KLHL13: variants seen among roughly 807,000 people sequenced by gnomAD.
KLHL13 encodes the protein kelch like family member 13, also known as kelch-like protein 13.
In KLHL13, 10 loss-of-function variants were observed where a neutral mutation model predicts 37.1. The observed-to-expected ratio is 0.27, with a 90% confidence interval of 0.17 to 0.46. The LOEUF (loss-of-function observed/expected upper bound fraction) is 0.46, where lower values mean the gene tolerates loss of function less well. Ranked by LOEUF, KLHL13 falls within the 20% of genes least tolerant of loss-of-function variation. KLHL13 has a pLI of 1.00. For missense variants in KLHL13, 360 were observed against 509.3 expected (o/e 0.71, Z 2.82); for synonymous variants, 163 against 181.2 (o/e 0.90, Z 0.81).
intron 1 of KLHL13, among the ~76,000 whole-genome samples, chrX:118,017,959 CACA>C (rs1187792756): frequency 9.0e-6 from 1 of 111,261 alleles, no homozygotes; most frequent in East Asian, 2.8e-4. Context: ...AAAATACCGC[CACA>C]ACAACAAACT....
chrX:118,045,547 T>TA (rs1267931377), intron 1 of KLHL13, among the ~76,000 whole-genome samples: 1 of 111,049 alleles, frequency 9.0e-6, no homozygotes, highest in East Asian at 2.8e-4. Context: ...TTCACGCCTG[T>TA]AATCCCAGCA....
chrX:117,915,884 C>T (rs898039707), intron 4 of KLHL13, among the ~76,000 whole-genome samples: 9 of 112,578 alleles, frequency 8.0e-5, no homozygotes, highest in Non-Finnish European at 1.7e-4. Flanking sequence ...TGGGGCTGGG[C>T]GCGGTGGCTC....
At chrX:118,007,387 A>AG (rs2053997927) in intron 1 of KLHL13, among the ~76,000 whole-genome samples, 2 of 100,432 alleles carry the variant, frequency 2.0e-5, no homozygotes, top group Admixed American at 1.0e-4. Flanking sequence ...AAAAAAAAAA[A>AG]AAAAAAGAGA....
chrX:118,032,493 C>G (rs2054368012), intron 1 of KLHL13, among the ~76,000 whole-genome samples: 1 of 111,880 alleles, frequency 8.9e-6, no homozygotes, highest in Admixed American at 9.5e-5. Flanking sequence ...TGACACCTCA[C>G]AGGGCCAGGT....
At chrX:118,083,530 T>C (rs2055020278) in intron 1 of KLHL13, among the ~76,000 whole-genome samples, 1 of 111,438 alleles carries the variant, frequency 9.0e-6, no homozygotes, top group Admixed American at 9.6e-5. Context: ...TTTTTTAAGT[T>C]TATCTCATAG....
intron 1 of KLHL13, among the ~76,000 whole-genome samples, chrX:118,107,081 C>A (rs753380892): frequency 8.9e-6 from 1 of 111,823 alleles, no homozygotes; most frequent in East Asian, 2.8e-4. Flanking sequence ...AAATGTGTGA[C>A]CCCTGTGATT....
intron 1 of KLHL13, among the ~76,000 whole-genome samples, chrX:118,085,974 G>A (rs186310281): frequency 1.4e-3 from 153 of 109,763 alleles, no homozygotes; most frequent in Non-Finnish European, 2.3e-3. Flanking sequence ...GTTTTGCTTT[G>A]CTGCCCAGGC....
intron 1 of KLHL13, among the ~76,000 whole-genome samples, chrX:117,959,365 AATTGT>A (rs1370170957): frequency 8.9e-6 from 1 of 112,098 alleles, no homozygotes; most frequent in African/African-American, 3.2e-5. Flanking sequence ...TACTTTTCAA[AATTGT>A]ATTTCAAATA....
intron 1 of KLHL13, among the ~76,000 whole-genome samples, chrX:118,097,852 G>A (rs1489123653): frequency 9.0e-6 from 1 of 111,221 alleles, no homozygotes; most frequent in African/African-American, 3.3e-5. Flanking sequence ...TTAATAAATG[G>A]TGCTGGGAAA....
At chrX:117,931,106 AC>A (rs1364557098) in intron 2 of KLHL13, among the ~76,000 whole-genome samples, 1 of 111,904 alleles carries the variant, frequency 8.9e-6, no homozygotes, top group Non-Finnish European at 1.9e-5. Context: ...TCTTACAATA[AC>A]CCATTTCTTT....
At chrX:118,007,119 T>C (rs2053992975) in intron 1 of KLHL13, among the ~76,000 whole-genome samples, 1 of 110,615 alleles carries the variant, frequency 9.0e-6, no homozygotes, top group Non-Finnish European at 1.9e-5. Context: ...AAGTCAAAAG[T>C]AGGAGTCAGC....
chrX:117,904,241 T>G (rs1455343244), intron 5 of KLHL13, among the ~76,000 whole-genome samples: 1 of 111,739 alleles, frequency 8.9e-6, no homozygotes, highest in African/African-American at 3.2e-5. Flanking sequence ...TGTCATGCAA[T>G]TCTCCATGCA....
intron 1 of KLHL13, among the ~76,000 whole-genome samples, chrX:118,074,914 C>T (rs2054912662): frequency 8.9e-6 from 1 of 111,883 alleles, no homozygotes; most frequent in Non-Finnish European, 1.9e-5. Context: ...ATGCACTACA[C>T]ATATGAATAG....
chrX:117,916,691 GTTC>G (rs1053784301), intron 4 of KLHL13, among the ~76,000 whole-genome samples: 29 of 111,959 alleles, frequency 2.6e-4, no homozygotes, highest in African/African-American at 8.4e-4. Flanking sequence ...ACGTACCACT[GTTC>G]TTCTTCCTCC....
At chrX:117,978,302 G>A (rs2053617139), upstream of KLHL13, among the ~76,000 whole-genome samples, 1 of 112,098 alleles carries the variant, frequency 8.9e-6, no homozygotes, top group East Asian at 2.8e-4. Flanking sequence ...ACACCATGAT[G>A]GCATAAGCAA....
At chrX:118,055,741 G>C (rs752967110) in intron 1 of KLHL13, among the ~76,000 whole-genome samples, 1 of 111,843 alleles carries the variant, frequency 8.9e-6, no homozygotes, top group Non-Finnish European at 1.9e-5. Context: ...AACACAGCAA[G>C]ACCCTCAGCT....
At chrX:118,103,387 A>G (rs1351235655) in intron 1 of KLHL13, among the ~76,000 whole-genome samples, 12 of 111,943 alleles carry the variant, frequency 1.1e-4, no homozygotes. Context: ...TTCACAGGAA[A>G]TCATTTTATC....
chrX:118,071,130 C>T (rs1345526099), intron 1 of KLHL13, among the ~76,000 whole-genome samples: 1 of 111,895 alleles, frequency 8.9e-6, no homozygotes, highest in Non-Finnish European at 1.9e-5. Context: ...TGTATATGTG[C>T]CACATTCTCT....
intron 1 of KLHL13, among the ~76,000 whole-genome samples, chrX:118,115,925 G>T (rs1477281309): frequency 8.9e-6 from 1 of 112,250 alleles, no homozygotes; most frequent in African/African-American, 3.2e-5. Flanking sequence ...AAGCCTCCAA[G>T]AAAATCATTA....
Sources: allele counts gnomAD v4.1 joint callset (sites outside exome capture counted in the v4.1 genomes callset), GRCh38; gene constraint gnomAD v4.1.1; transcripts MANE v1.5; gene names NCBI Gene and HGNC (gene_info 2026-07-23, HGNC 2026-07-21).